SLC9A2: variants seen among roughly 807,000 people sequenced by gnomAD.
The protein encoded by SLC9A2 is solute carrier family 9 member A2.
Under a neutral mutation model 71.7 loss-of-function variants are expected in SLC9A2, and 42 were observed. The observed-to-expected ratio is 0.59, with a 90% CI of 0.46 to 0.76. The LOEUF (loss-of-function observed/expected upper bound fraction) is 0.76, where lower values mean the gene tolerates loss of function less well. Ranked by LOEUF, SLC9A2 falls within the 30% of genes least tolerant of loss-of-function variation. The pLI is 0.00. For missense variants in SLC9A2, 829 were observed against 1,017.4 expected (o/e 0.81, Z 2.52); for synonymous variants, 396 against 392.5 (o/e 1.01, Z -0.10).
chr2:102,636,295 C>G (rs917324131), intron 1 of SLC9A2, among the ~76,000 whole-genome samples: 1 of 152,110 alleles, frequency 6.6e-6, no homozygotes, highest in Non-Finnish European at 1.5e-5. Context: ...AGTCTTTTAC[C>G]AAATGGGATA....
chr2:102,665,126 T>C lies in SLC9A2; in HGVS notation c.780T>C (p.Phe260=), dbSNP rs1212893055. The C allele has an allele frequency of 1.9e-6, 3 of 1,614,010 alleles. No individual in the cohort carries two copies. The highest frequency in any genetic ancestry group is 2.5e-6 in the Non-Finnish European group (3 of 1,180,024). The part of the protein sequence containing the change: ...TVVLYNLFKS[F]CQMKTIETID... ...TCCTGTACAACTTGTTCAAGTCGTT[T>C]TGCCAGATGAAAACCATTGAGACCA... Residue 260 remains phenylalanine (F), a synonymous_variant, in exon 3 of 12, where the codon TTT becomes TTC. Transcript: ENST00000233969.
chr2:102,620,942 A>G (rs1676124613), intron 1 of SLC9A2, among the ~76,000 whole-genome samples: 1 of 152,052 alleles, frequency 6.6e-6, no homozygotes. Context: ...AGGCTGAGGC[A>G]AGGTGGATCA....
At chr2:102,676,026 T>A (rs1024278369) in intron 3 of SLC9A2, among the ~76,000 whole-genome samples, 2 of 152,200 alleles carry the variant, frequency 1.3e-5, no homozygotes, top group African/African-American at 4.8e-5. Context: ...TTACACGTGG[T>A]CCACAGACCA....
intron 5 of SLC9A2, among the ~76,000 whole-genome samples, chr2:102,687,573 A>G (rs1453743994): frequency 6.6e-6 from 1 of 152,164 alleles, no homozygotes; most frequent in Non-Finnish European, 1.5e-5. Context: ...TTATTTCAAT[A>G]TTTTATATGA....
chr2:102,632,138 G>A (rs201572110), intron 1 of SLC9A2, among the ~76,000 whole-genome samples: 43,984 of 96,462 alleles, frequency 0.46, 9,766 homozygotes, highest in Middle Eastern at 0.69. Flanking sequence ...ACATATATAT[G>A]TATATATACA....
chr2:102,680,872 G>A (rs76843517), intron 3 of SLC9A2, among the ~76,000 whole-genome samples: 3,417 of 152,222 alleles, frequency 0.022, 134 homozygotes, highest in African/African-American at 0.076. Context: ...ATGTGATTAG[G>A]GAAGCAGAGG....
chr2:102,633,660 G>A (rs773630945), intron 1 of SLC9A2, among the ~76,000 whole-genome samples: 1 of 152,086 alleles, frequency 6.6e-6, no homozygotes, highest in Non-Finnish European at 1.5e-5. Context: ...GTAAGGTAGC[G>A]GAACTCAGTA....
At chr2:102,696,741 T>C (rs1677775842) in intron 7 of SLC9A2, among the ~76,000 whole-genome samples, 1 of 152,164 alleles carries the variant, frequency 6.6e-6, no homozygotes, top group African/African-American at 2.4e-5. Context: ...AGCCTTACCA[T>C]ATAATGAAAG....
intron 1 of SLC9A2, among the ~76,000 whole-genome samples, chr2:102,646,497 C>G (rs1048399278): frequency 3.3e-5 from 5 of 152,168 alleles, no homozygotes; most frequent in Non-Finnish European, 7.4e-5. Flanking sequence ...AATTAAAAGA[C>G]ACAGACTGGA....
chr2:102,665,968 C>G (rs900416934), intron 3 of SLC9A2, among the ~76,000 whole-genome samples: 1 of 151,794 alleles, frequency 6.6e-6, no homozygotes, highest in African/African-American at 2.4e-5. Context: ...AAGAATTGTA[C>G]GAGCTTGATG....
At position 102,710,396 on chromosome 2, in the gene SLC9A2, C is replaced by G. The variant is rs1257375087; in HGVS notation, c.*1907C>G. ...AAAAGCAACAGAAATTGAAAGTGAC[C>G]TTAAAGAATAAATTTCCTAATTTTT... On this transcript the variant is annotated 3_prime_UTR_variant, in exon 12 of 12. Coordinates refer to ENST00000233969, the MANE Select transcript of SLC9A2 (RefSeq NM_003048.6). 3 of 152,094 alleles carry G rather than the reference C, an allele frequency of 2.0e-5. No homozygotes were observed. The highest frequency in any genetic ancestry group is 2.0e-4 in the Admixed American group (3 of 15,254). The allele number at this position is 152,094 out of a possible 1,614,324, so 9.4% of individuals were successfully genotyped here. A position where few individuals can be genotyped will look rare whatever the true frequency, so the allele number is the denominator to read the frequency against.
chr2:102,643,825 C>T (rs986387191), intron 1 of SLC9A2, among the ~76,000 whole-genome samples: 2 of 151,726 alleles, frequency 1.3e-5, no homozygotes, highest in African/African-American at 4.8e-5. Context: ...GGCTGGAGTG[C>T]AGTGATTATT....
intron 1 of SLC9A2, among the ~76,000 whole-genome samples, chr2:102,635,018 G>A (rs1482333397): frequency 6.6e-6 from 1 of 152,220 alleles, no homozygotes; most frequent in Non-Finnish European, 1.5e-5. Context: ...TTGTTCAGCA[G>A]TTGCTTTCCT....
rs545328863 is a variant in SLC9A2 at position 102,630,481 on chromosome 2, G to GT, written c.289+10350dup. On this transcript the variant is annotated intron_variant, in intron 1 of 11. Coordinates refer to ENST00000233969, the MANE Select transcript of SLC9A2 (RefSeq NM_003048.6). ...GACTTATGTCTCTGGTTTTATTTAA[G>GT]TTTTTTAAATTGTTTTTGATATTCT... 4.4e-3 allele frequency among the ~76,000 whole-genome samples: 666 copies of GT among 151,972 alleles called. 9 individuals carry two copies. Among genetic ancestry groups the GT allele is most frequent in the African/African-American group, 0.015 (617 of 41,496 alleles).
chr2:102,661,065 G>GAT lies in SLC9A2; in HGVS notation c.753+3038_753+3039insAT, dbSNP rs1677040925. Among the ~76,000 whole-genome samples the GAT allele has an allele frequency of 2.6e-5, 4 of 152,300 alleles. No homozygotes were observed. The South Asian group carries it at 6.2e-4, about 24-fold the overall frequency. ...ACACTTCATGCTATTGTACAGGGCTGTAGTAGATTAGAAGTAACTAGAGAC... is the reference window on the plus strand; with the variant it reads ...ACACTTCATGCTATTGTACAGGGCTGATTAGTAGATTAGAAGTAACTAGAGAC... On this transcript the variant is annotated intron_variant, in intron 2 of 11. Transcript: ENST00000233969.
At chr2:102,673,390 T>C (rs62152067) in intron 3 of SLC9A2, among the ~76,000 whole-genome samples, 32,505 of 152,044 alleles carry the variant, frequency 0.21, 3,707 homozygotes, top group South Asian at 0.34. Flanking sequence ...CTTTTTTTGT[T>C]ATTAAGATGA....
chr2:102,702,494 C>T lies in SLC9A2; in HGVS notation c.1837C>T (p.Arg613Cys), dbSNP rs1354181126. Residue 613 changes from arginine to cysteine, a missense_variant, in exon 9 of 12, where the codon CGT becomes TGT. Transcript: ENST00000233969. ...ELLSRNLYQI[R>C]QRTLSYNRHS... The stretch of plus-strand genomic sequence containing the variant: ...CTTATCAAGAAATCTCTATCAAATC[C>T]GTCAGCGAGTAAGAATAATTTATGT... 6 of 1,568,532 alleles carry T rather than the reference C, an allele frequency of 3.8e-6. No homozygotes were observed. Among genetic ancestry groups the T allele is most frequent in the South Asian group, 2.3e-5 (2 of 87,150 alleles).
intron 11 of SLC9A2, among the ~76,000 whole-genome samples, 179 bp downstream of exon 11, chr2:102,706,115 C>T (rs1304959198): frequency 1.0e-4 from 1 of 9,914 alleles, no homozygotes; most frequent in Non-Finnish European, 2.2e-4. Flanking sequence ...GTCAGGAGAT[C>T]GAGACCATCC....
chr2:102,628,495 A>G (rs943941880), intron 1 of SLC9A2, among the ~76,000 whole-genome samples: 1 of 152,262 alleles, frequency 6.6e-6, no homozygotes. Flanking sequence ...CATGATCCAA[A>G]TGGGTAAATT....
Sources: gnomAD v4.1 joint callset for allele counts (sites outside exome capture counted in the v4.1 genomes callset) on GRCh38, gnomAD v4.1.1 for gene constraint, MANE v1.5 for transcripts, NCBI Gene and HGNC (gene_info 2026-07-23, HGNC 2026-07-21) for gene names.